Variants in PIM2 observed in about 807,000 individuals in gnomAD.
PIM2 encodes serine/threonine-protein kinase pim-2.
Under a neutral mutation model 18.0 loss-of-function variants are expected in PIM2, and 3 were observed. The observed-to-expected ratio is 0.17, with a 90% CI of 0.08 to 0.43. The LOEUF (loss-of-function observed/expected upper bound fraction) is 0.43. Ranked by LOEUF, PIM2 falls within the 20% of genes least tolerant of loss-of-function variation. The pLI is 0.99. For synonymous variants in PIM2, 117 were observed against 105.3 expected, an observed-to-expected ratio of 1.11 and a Z score of -0.68; for missense variants, 181 against 260.8, an observed-to-expected ratio of 0.69 and a Z score of 2.11.
Position 48,918,892 on chromosome X carries a change from C to T in PIM2, c.-58G>A. 9.6e-7 allele frequency: 1 copy of T among 1,040,445 alleles called. No homozygotes were observed. The highest frequency in any genetic ancestry group is 1.3e-6 in the Non-Finnish European group (1 of 763,714). 85.7% of individuals were successfully genotyped at this position (1,040,445 alleles called of 1,213,427 possible). The stretch of plus-strand genomic sequence containing the variant: ...ACCCGCTAAGCCCGCAGGGCGTGGA[C>T]GCCCGGGGCAGCGCAGCTGGGGAGC... On this transcript the variant is annotated 5_prime_UTR_variant, in exon 1 of 6. Coordinates refer to ENST00000376509, the MANE Select transcript of PIM2 (RefSeq NM_006875.4).
chrX:48,916,396 G>A (rs1430330947), intron 3 of PIM2, among the ~76,000 whole-genome samples: 2 of 112,812 alleles, frequency 1.8e-5, no homozygotes, highest in East Asian at 5.5e-4. Context: ...GCATCACCAA[G>A]CACCTAGAAC....
chrX:48,915,615 T>A, intron 3 of PIM2: 1 of 390,458 alleles, frequency 2.6e-6, no homozygotes, highest in Non-Finnish European at 4.4e-6. Flanking sequence ...ATCTCGCATG[T>A]CGTAGATCAA....
intron 2 of PIM2, among the ~76,000 whole-genome samples, chrX:48,918,299 C>G (rs1172368937): frequency 1.6e-4 from 3 of 18,256 alleles, no homozygotes; most frequent in Non-Finnish European, 2.5e-4. Flanking sequence ...AAGCCCCCTG[C>G]CCCCCCCCCC....
intron 3 of PIM2, among the ~76,000 whole-genome samples, chrX:48,916,708 C>T (rs1264501893): frequency 9.0e-6 from 1 of 111,401 alleles, no homozygotes; most frequent in Non-Finnish European, 1.9e-5. Flanking sequence ...CTTAGCCGGG[C>T]ATGGCAGCGG....
intron 3 of PIM2, chrX:48,915,643 G>C: frequency 3.0e-6 from 1 of 332,137 alleles, no homozygotes; most frequent in Non-Finnish European, 5.2e-6. Context: ...TTGAATAAAC[G>C]AAAGAAGTTC....
At position 48,918,843 on chromosome X, in the gene PIM2, C is replaced by A; in HGVS notation, c.-9G>T. 1 of 1,193,102 alleles carries A rather than the reference C, an allele frequency of 8.4e-7. No homozygotes were observed. Among genetic ancestry groups the A allele is most frequent in the Non-Finnish European group, 1.1e-6 (1 of 888,571 alleles). ...AGAGGCTTGGTCAACATGGAGGTGG[C>A]GCTGCGCAGATTGAGCCCACTGAAC... On this transcript the variant is annotated 5_prime_UTR_variant, in exon 1 of 6. Coordinates refer to ENST00000376509, the MANE Select transcript of PIM2 (RefSeq NM_006875.4).
rs782734998 is a variant in PIM2, at chrX:48,913,885, C to G, written c.*246G>C. 6.3e-5 allele frequency: 20 copies of G among 316,762 alleles called. 1 individual carries two copies. Among genetic ancestry groups the G allele is most frequent in the Admixed American group, 1.8e-4 (3 of 16,544 alleles). 26.1% of individuals were successfully genotyped at this position (316,762 alleles called of 1,213,427 possible). On this transcript the variant is annotated 3_prime_UTR_variant, in exon 6 of 6. Coordinates refer to ENST00000376509, the MANE Select transcript of PIM2 (RefSeq NM_006875.4). ...TTAGCAAAATGAGAAGCAAGAAGTT[C>G]CCCCTCCAGAATCAGGGACCACAGG...
chrX:48,914,062 T>C lies in PIM2; in HGVS notation c.*69A>G, dbSNP rs1392408614. ...GTAAAACCAAGTCAACAAATGTCCA[T>C]CTATCCCTGTGACATGGCCATGGGA... On this transcript the variant is annotated 3_prime_UTR_variant, in exon 6 of 6. Transcript: ENST00000376509. 2 of 642,261 alleles carry C rather than the reference T, an allele frequency of 3.1e-6. No individual in the cohort carries two copies. The highest frequency in any genetic ancestry group is 4.7e-6 in the Non-Finnish European group (2 of 426,620). 52.9% of individuals were successfully genotyped at this position (642,261 alleles called of 1,213,427 possible). A position where few individuals can be genotyped will look rare whatever the true frequency, so the allele number is the denominator to read the frequency against.
chrX:48,916,068 GCT>G (rs1482811216), intron 3 of PIM2, among the ~76,000 whole-genome samples: 1 of 112,751 alleles, frequency 8.9e-6, no homozygotes, highest in African/African-American at 3.2e-5. Flanking sequence ...AATAGCATGG[GCT>G]CTGACAAGCA....
intron 4 of PIM2, 29 bp downstream of exon 4, chrX:48,914,991 C>A: frequency 8.6e-7 from 1 of 1,163,575 alleles, no homozygotes; most frequent in South Asian, 2.0e-5. Context: ...TAAAAACAAT[C>A]CCTCCAGGGA....
At position 48,918,903 on chromosome X, in the gene PIM2, G is replaced by A; in HGVS notation, c.-69C>T. The A allele has an allele frequency of 1.0e-6, 1 of 965,301 alleles. No homozygotes were observed. The highest frequency in any genetic ancestry group is 3.2e-5 in the Admixed American group (1 of 31,274). 79.6% of individuals were successfully genotyped at this position (965,301 alleles called of 1,213,427 possible). On this transcript the variant is annotated 5_prime_UTR_variant, in exon 1 of 6. Transcript: ENST00000376509. ...CCGCAGGGCGTGGACGCCCGGGGCA[G>A]CGCAGCTGGGGAGCCAGGGCTGGGG...
intron 1 of PIM2, 61 bp from the exon 2 acceptor site, chrX:48,918,706 TC>T: frequency 1.8e-6 from 2 of 1,110,478 alleles, no homozygotes; most frequent in Non-Finnish European, 2.5e-6. Flanking sequence ...CACGACTCCC[TC>T]CCCCCGCGCT....
chrX:48,914,101 C>T lies in PIM2; in HGVS notation c.*30G>A, dbSNP rs1000800400. On this transcript the variant is annotated 3_prime_UTR_variant, in exon 6 of 6. Coordinates refer to ENST00000376509, the MANE Select transcript of PIM2 (RefSeq NM_006875.4). ...ATGGCCATGGGATGGCTCTTCTGACCATTGGGGGCCAGGCCAGGCCAGGCC... is the reference window on the plus strand; with the variant it reads ...ATGGCCATGGGATGGCTCTTCTGACTATTGGGGGCCAGGCCAGGCCAGGCC... 7.4e-6 allele frequency: 7 copies of T among 945,984 alleles called. No homozygotes were observed. Among genetic ancestry groups the T allele is most frequent in the Non-Finnish European group, 1.0e-5 (7 of 696,892 alleles). 78.0% of individuals were successfully genotyped at this position (945,984 alleles called of 1,213,427 possible).
intron 3 of PIM2, among the ~76,000 whole-genome samples, chrX:48,916,389 T>A (rs1445033221): frequency 8.9e-6 from 1 of 112,770 alleles, no homozygotes; most frequent in Non-Finnish European, 1.9e-5. Context: ...TTTGTCAGCA[T>A]CACCAAGCAC....
Position 48,915,182 on chromosome X carries a change from C to T in PIM2, c.433G>A (p.Gly145Ser). 8.2e-7 allele frequency: 1 copy of T among 1,212,250 alleles called. No individual in the cohort carries two copies. Among genetic ancestry groups the T allele is most frequent in the Non-Finnish European group, 1.1e-6 (1 of 895,531 alleles). Residue 145 changes from glycine to serine, a missense_variant, in exon 4 of 6, where the codon GGC (glycine) becomes AGC (serine). Transcript: ENST00000376509. ...TGCTGGATGGCTGCCACTACTTGGC[C>T]AAAGAAGCAGCGGCTTGGGCCTTCA... is the stretch of plus-strand genomic sequence containing the variant. ...LGEGPSRCFF[G>S]QVVAAIQHCH...
At chrX:48,914,734 A>G (rs2063558377) in intron 4 of PIM2, 163 bp from the exon 5 acceptor site, 1 of 483,562 alleles carries the variant, frequency 2.1e-6, no homozygotes, top group African/African-American at 2.4e-5. Context: ...TCCCCTCAAC[A>G]GAATAAAAGC....
At position 48,915,412 on chromosome X, in the gene PIM2, G is replaced by A; in HGVS notation, c.223-20C>T. ...GTCTGACTGGGGGCACAGGTGGGGT[G>A]GGAAGCAGGGAGAGAAAAAAGACAG... On this transcript the variant is annotated intron_variant, in intron 3 of 5. Transcript: ENST00000376509. 1 of 1,180,717 alleles carries A rather than the reference G, an allele frequency of 8.5e-7. No individual in the cohort carries two copies. Among genetic ancestry groups the A allele is most frequent in the Non-Finnish European group, 1.1e-6 (1 of 877,852 alleles).
In PIM2 at chrX:48,915,411, T is replaced by TGG; in HGVS notation, c.223-21_223-20dup. 5 of 1,184,973 alleles carry TGG rather than the reference T, an allele frequency of 4.2e-6. No homozygotes were observed. Among genetic ancestry groups the TGG allele is most frequent in the Non-Finnish European group, 5.7e-6 (5 of 880,201 alleles). On this transcript the variant is annotated intron_variant, in intron 3 of 5. Transcript: ENST00000376509. ...AGTCTGACTGGGGGCACAGGTGGGG[T>TGG]GGGAAGCAGGGAGAGAAAAAAGACA...
chrX:48,918,679 G>A lies in PIM2; in HGVS notation c.62-34C>T, dbSNP rs1298521617. The A allele has an allele frequency of 3.5e-6, 4 of 1,133,632 alleles. No homozygotes were observed. In the East Asian group the frequency reaches 9.2e-5, roughly 26 times the overall value. The allele number at this position is 1,133,632 out of a possible 1,213,427, so 93.4% of individuals were successfully genotyped here. ...GCGGAGGCGAGGAAGTCAGGGTGGC[G>A]GCGTGCTGAGCCCAGCCACGACTCC... On this transcript the variant is annotated intron_variant, in intron 1 of 5. Coordinates refer to ENST00000376509, the MANE Select transcript of PIM2 (RefSeq NM_006875.4).
Sources: gnomAD v4.1 joint callset for allele counts (sites outside exome capture counted in the v4.1 genomes callset) on GRCh38, gnomAD v4.1.1 for gene constraint, MANE v1.5 for transcripts, NCBI Gene and HGNC (gene_info 2026-07-23, HGNC 2026-07-21) for gene names.